Variants in FBF1 observed in about 807,000 individuals in gnomAD.
FBF1 encodes fas-binding factor 1.
In FBF1, 119 loss-of-function variants were observed where a neutral mutation model predicts 147.2. The observed-to-expected ratio is 0.81, with a 90% CI of 0.70 to 0.94. The LOEUF is 0.94. FBF1 is among the 40% of genes least tolerant of loss of function. The pLI is 0.00. For synonymous variants in FBF1, 601 were observed against 609.0 expected (o/e 0.99, Z 0.19); for missense variants, 1,449 against 1,500.8 (o/e 0.97, Z 0.57).
intron 28 of FBF1, 85 bp from the exon 29 acceptor site, chr17:75,912,392 C>A: frequency 9.7e-7 from 1 of 1,033,708 alleles, no homozygotes; most frequent in Non-Finnish European, 1.4e-6. Context: ...GAGCTGCTCC[C>A]CCCGCCAGTG....
Position 75,918,448 on chromosome 17 carries a change from G to A in FBF1, c.2139-179C>T, listed in dbSNP as rs559773451. On this transcript the variant is annotated intron_variant, in intron 20 of 29. Transcript: ENST00000636174. The surrounding 1 kb of genome is among the most constrained non-coding windows in gnomAD (Gnocchi z 5.8). ...CTGTCATGGTGCCTCAATGCTACAC[G>A]CACTAAGATGGGCATTCCTCCCATT... Among the ~76,000 whole-genome samples, 66 of 152,254 alleles carry A rather than the reference G, an allele frequency of 4.3e-4. No homozygotes were observed. In the South Asian group the frequency reaches 0.012, roughly 28 times the overall value.
chr17:75,916,953 C>T (rs1268000839), intron 23 of FBF1, among the ~76,000 whole-genome samples: 14 of 152,220 alleles, frequency 9.2e-5, no homozygotes, highest in Admixed American at 7.2e-4. Flanking sequence ...TAGATTCAAG[C>T]GATTCTCCCA....
At chr17:75,939,325 T>C (rs963405883) in intron 1 of FBF1, among the ~76,000 whole-genome samples, 6 of 145,766 alleles carry the variant, frequency 4.1e-5, no homozygotes, top group Non-Finnish European at 7.5e-5. Flanking sequence ...AAACGTGCTC[T>C]GGATAACTTA....
chr17:75,926,608 A>G (rs2065563521), intron 10 of FBF1, 150 bp downstream of exon 10: 1 of 1,348,702 alleles, frequency 7.4e-7, no homozygotes, highest in East Asian at 2.5e-5. Context: ...CTACCTTCCT[A>G]TTCCTAAAGG....
In FBF1 at chr17:75,928,299, A is replaced by C; in HGVS notation, c.280-106T>G. The C allele has an allele frequency of 1.2e-6, 1 of 826,158 alleles. No individual in the cohort carries two copies. The highest frequency in any genetic ancestry group is 2.0e-6 in the Non-Finnish European group (1 of 505,630). The allele number at this position is 826,158 out of a possible 1,614,324, so 51.2% of individuals were successfully genotyped here. A position where few individuals can be genotyped will look rare whatever the true frequency, so the allele number is the denominator to read the frequency against. Reference sequence around the variant, plus strand: ...GCACCCCAGGTGTAGAATTGTGAGAAAACAAAGGAAAATGAGAAAACTGTT... The same window carrying C: ...GCACCCCAGGTGTAGAATTGTGAGACAACAAAGGAAAATGAGAAAACTGTT... On this transcript the variant is annotated intron_variant, in intron 7 of 29. Transcript: ENST00000636174. This position sits in a 1 kb window ranked among gnomAD's most constrained non-coding sequence, Gnocchi z 4.2.
chr17:75,934,381 C>T (rs1030019317), intron 4 of FBF1, among the ~76,000 whole-genome samples: 2 of 151,848 alleles, frequency 1.3e-5, no homozygotes, highest in African/African-American at 4.8e-5. Context: ...GCCAACATGG[C>T]GAAAACCCAT....
At chr17:75,935,713 G>A (rs2065620418) in intron 3 of FBF1, 40 bp from the exon 4 acceptor site, 1 of 1,525,342 alleles carries the variant, frequency 6.6e-7, no homozygotes, top group South Asian at 1.2e-5. Flanking sequence ...CAGGAGGAAA[G>A]AAGAGTGGCC....
Position 75,922,006 on chromosome 17 carries a change from C to T in FBF1, c.1465G>A (p.Ala489Thr). The T allele has an allele frequency of 6.4e-7, 1 of 1,551,878 alleles. No homozygotes were observed. The change falls in exon 15 of 30, where the codon GCT becomes ACT. Residue 489 changes from alanine (A) to threonine (T), a missense_variant. Physicochemically the swap from Ala to Thr is moderately conservative, Grantham distance 58. Coordinates refer to ENST00000636174, the MANE Select transcript of FBF1 (RefSeq NM_001319193.2). This position sits in a 1 kb window ranked among gnomAD's most constrained non-coding sequence, Gnocchi z 5.0. Reference sequence around the variant, plus strand: ...GCAGTTGTTCCAGAACTCCCTCCAGCAGCTGCGTGCTCAAGCCCTTGTGTG... The same window carrying T: ...GCAGTTGTTCCAGAACTCCCTCCAGTAGCTGCGTGCTCAAGCCCTTGTGTG... ...TSTQGLEHAA[A>T]GGSSGTTARE...
intron 6 of FBF1, among the ~76,000 whole-genome samples, chr17:75,930,405 G>A (rs181310260): frequency 6.6e-6 from 1 of 152,330 alleles, no homozygotes; most frequent in East Asian, 1.9e-4. Context: ...AGCAGTTTCA[G>A]GGAGCTCTCC....
rs1567861889 is a variant in FBF1 at position 75,926,020 on chromosome 17, G to A, written c.868+10C>T. ...TCCCGTCCTGTTGCGGCCCCCGCAA[G>A]CCTCCTTACCCTGTGGCCTCTGGTA... On this transcript the variant is annotated intron_variant, in intron 12 of 29. Transcript: ENST00000636174. 2 of 1,598,968 alleles carry A rather than the reference G, an allele frequency of 1.3e-6. No individual in the cohort carries two copies. The highest frequency in any genetic ancestry group is 2.1e-4 in the Middle Eastern group (1 of 4,680).
chr17:75,917,657 C>T (rs893318591), intron 23 of FBF1, 75 bp downstream of exon 23: 41 of 1,352,928 alleles, frequency 3.0e-5, no homozygotes, highest in Admixed American at 2.5e-4. Context: ...ACGGGAGTGC[C>T]GCTACACTTG....
At chr17:75,936,337 C>CG (rs1183818837) in intron 3 of FBF1, among the ~76,000 whole-genome samples, 1 of 151,474 alleles carries the variant, frequency 6.6e-6, no homozygotes, top group African/African-American at 2.4e-5. Flanking sequence ...AAGACCCCCC[C>CG]CAAAATTAGC....
Position 75,910,103 on chromosome 17 carries a change from C to T in FBF1, c.*620G>A, listed in dbSNP as rs2065448700. Reference sequence around the variant, plus strand: ...CTGAGGAGGCCACTGTTCACCCAAACTGGTTGGTCCTTCGGGCAATGCTGG... The same window carrying T: ...CTGAGGAGGCCACTGTTCACCCAAATTGGTTGGTCCTTCGGGCAATGCTGG... On this transcript the variant is annotated 3_prime_UTR_variant, in exon 30 of 30. Coordinates refer to ENST00000636174, the MANE Select transcript of FBF1 (RefSeq NM_001319193.2). The surrounding 1 kb of genome is among the most constrained non-coding windows in gnomAD (Gnocchi z 4.1). The T allele has an allele frequency of 1.8e-6, 1 of 546,110 alleles. No individual in the cohort carries two copies. Among genetic ancestry groups the T allele is most frequent in the Non-Finnish European group, 3.5e-6 (1 of 286,742 alleles). 33.8% of individuals were successfully genotyped at this position (546,110 alleles called of 1,614,324 possible). A position where few individuals can be genotyped will look rare whatever the true frequency, so the allele number is the denominator to read the frequency against.
Position 75,925,919 on chromosome 17 carries a change from A to C in FBF1, c.868+111T>G. On this transcript the variant is annotated intron_variant, in intron 12 of 29. Transcript: ENST00000636174. The surrounding 1 kb of genome is among the most constrained non-coding windows in gnomAD (Gnocchi z 5.0). ...TTTGTCTCAGCTATAGACGTGTATAATCACATGTGTGTATCAGGATGTGAG... is the reference window on the plus strand; with the variant it reads ...TTTGTCTCAGCTATAGACGTGTATACTCACATGTGTGTATCAGGATGTGAG... The C allele has an allele frequency of 1.4e-6, 2 of 1,381,866 alleles. No homozygotes were observed. The highest frequency in any genetic ancestry group is 5.0e-5 in the East Asian group (2 of 40,120). The allele number at this position is 1,381,866 out of a possible 1,614,324, so 85.6% of individuals were successfully genotyped here.
intron 28 of FBF1, 180 bp downstream of exon 28, chr17:75,913,522 T>G: frequency 2.1e-6 from 1 of 477,474 alleles, no homozygotes; most frequent in Non-Finnish European, 3.6e-6. Flanking sequence ...TTCATAATAG[T>G]GTTCCTCTAT....
chr17:75,926,257 G>A, intron 11 of FBF1, 31 bp downstream of exon 11: 1 of 1,611,272 alleles, frequency 6.2e-7, no homozygotes, highest in Non-Finnish European at 8.5e-7. Flanking sequence ...TGAACCTGAG[G>A]CAGCAGCCTG....
At chr17:75,929,461 G>A (rs571103299) in intron 7 of FBF1, among the ~76,000 whole-genome samples, 1 of 152,310 alleles carries the variant, frequency 6.6e-6, no homozygotes, top group African/African-American at 2.4e-5. Flanking sequence ...AACCCCAAGG[G>A]TCAGACAGGA....
chr17:75,915,917 A>C lies in FBF1; in HGVS notation c.2506-778T>G, dbSNP rs59283725. 1.0e-2 allele frequency among the ~76,000 whole-genome samples: 1,491 copies of C among 149,380 alleles called. 17 individuals carry two copies. Among genetic ancestry groups the C allele is most frequent in the African/African-American group, 0.035 (1,397 of 40,356 alleles). The stretch of plus-strand genomic sequence containing the variant: ...CAGTAGCTCAGGAGGCTGAGGCAGG[A>C]GAATCCCTTGAACCCAGGAGGCGAA... On this transcript the variant is annotated intron_variant, in intron 23 of 29. Transcript: ENST00000636174.
Position 75,925,445 on chromosome 17 carries a change from G to A in FBF1, c.870C>T (p.Asp290=). The part of the protein sequence containing the change: ...KLDKKYQRPQ[D]SEDMWGDEDF... ...CCTCGTCACCCCACATATCTTCACTGTCTGTGAATTAAGGAGCCTGTGACC... is the reference window on the plus strand; with the variant it reads ...CCTCGTCACCCCACATATCTTCACTATCTGTGAATTAAGGAGCCTGTGACC... Residue 290 remains aspartate (D), a splice_region_variant and synonymous_variant, in exon 13 of 30, where the codon GAC becomes GAT. Coordinates refer to ENST00000636174, the MANE Select transcript of FBF1 (RefSeq NM_001319193.2). The surrounding 1 kb of genome is among the most constrained non-coding windows in gnomAD (Gnocchi z 5.0). 1 of 1,612,830 alleles carries A rather than the reference G, an allele frequency of 6.2e-7. No individual in the cohort carries two copies. The highest frequency in any genetic ancestry group is 8.5e-7 in the Non-Finnish European group (1 of 1,179,288).
Sources: allele counts gnomAD v4.1 joint callset (sites outside exome capture counted in the v4.1 genomes callset), GRCh38; gene constraint gnomAD v4.1.1; non-coding constraint Gnocchi (gnomAD v3.1); transcripts MANE v1.5; gene names NCBI Gene and HGNC (gene_info 2026-07-23, HGNC 2026-07-21).